GPC6: variants seen among roughly 807,000 people sequenced by gnomAD.
GPC6 encodes the protein glypican-6.
In GPC6, 14 loss-of-function variants were observed where a neutral mutation model predicts 55.2. That is an observed-to-expected ratio of 0.25 (90% CI 0.17 to 0.40). GPC6 has a LOEUF of 0.40. GPC6 is among the 10% of genes least tolerant of loss of function. The pLI is 1.00. For missense variants in GPC6, 641 were observed against 708.5 expected, an observed-to-expected ratio of 0.90 and a Z score of 1.08; for synonymous variants, 278 against 259.6, an observed-to-expected ratio of 1.07 and a Z score of -0.68.
At chr13:94,173,433 G>T (rs1379903558) in intron 4 of GPC6, among the ~76,000 whole-genome samples, 4 of 152,122 alleles carry the variant, frequency 2.6e-5, no homozygotes, top group Non-Finnish European at 5.9e-5. Context: ...ATGTTGTGGA[G>T]ATGATTCAAG....
At chr13:94,165,205 G>GTA (rs1160456651) in intron 4 of GPC6, among the ~76,000 whole-genome samples, 110 of 149,122 alleles carry the variant, frequency 7.4e-4, no homozygotes, top group African/African-American at 2.1e-3. Context: ...GTGTGTGTGT[G>GTA]TGTATATATA....
intron 1 of GPC6, among the ~76,000 whole-genome samples, chr13:93,443,182 A>T (rs1877868789): frequency 6.6e-6 from 1 of 152,190 alleles, no homozygotes; most frequent in Non-Finnish European, 1.5e-5. Context: ...ACAATGGTAA[A>T]ATATCAATTT....
chr13:93,912,970 G>C (rs1160337990), intron 3 of GPC6, among the ~76,000 whole-genome samples: 2 of 151,910 alleles, frequency 1.3e-5, no homozygotes, highest in Non-Finnish European at 2.9e-5. Context: ...TCTCTGTGTC[G>C]ATTCTTCTTC....
chr13:93,296,893 G>A (rs1258041759), intron 1 of GPC6, among the ~76,000 whole-genome samples: 1 of 152,152 alleles, frequency 6.6e-6, no homozygotes, highest in Non-Finnish European at 1.5e-5. Flanking sequence ...AAAGTTATGA[G>A]GAGGTTCAAA....
At chr13:94,276,035 A>G (rs1892191433) in intron 4 of GPC6, among the ~76,000 whole-genome samples, 1 of 152,206 alleles carries the variant, frequency 6.6e-6, no homozygotes, top group Admixed American at 6.5e-5. Context: ...AACTATCAAC[A>G]TTTTATAAGC....
In GPC6 at chr13:93,693,476, T is replaced by C. The variant is rs997291878; in HGVS notation, c.320-136678T>C. ...GTATGTATATCTGTGTGTGTGTGTG[T>C]GTGTGTGTGTGTGTGTGTGTGTGTG... On this transcript the variant is annotated intron_variant, in intron 2 of 8. Coordinates refer to ENST00000377047, the MANE Select transcript of GPC6 (RefSeq NM_005708.5). Among the ~76,000 whole-genome samples the C allele has an allele frequency of 5.3e-5, 8 of 150,986 alleles. No individual in the cohort carries two copies. In the East Asian group the frequency reaches 1.2e-3, roughly 22 times the overall value.
intron 5 of GPC6, among the ~76,000 whole-genome samples, chr13:94,301,294 G>A (rs976345213): frequency 1.6e-4 from 25 of 152,174 alleles, no homozygotes; most frequent in African/African-American, 5.1e-4. Context: ...CTACTCGGGA[G>A]GCTGAGGCAA....
intron 2 of GPC6, among the ~76,000 whole-genome samples, chr13:93,692,914 T>C (rs1882308437): frequency 6.6e-6 from 1 of 152,164 alleles, no homozygotes. Flanking sequence ...CAACTTTGCA[T>C]GGATCACTTT....
chr13:93,408,896 C>T (rs953795173), intron 1 of GPC6, among the ~76,000 whole-genome samples: 4 of 151,776 alleles, frequency 2.6e-5, no homozygotes, highest in African/African-American at 9.7e-5. Context: ...AGAAGTAAAC[C>T]AAAAATCCCA....
At chr13:93,338,738 T>C (rs1312540465) in intron 1 of GPC6, among the ~76,000 whole-genome samples, 20 of 152,232 alleles carry the variant, frequency 1.3e-4, no homozygotes, top group Admixed American at 1.3e-3. Context: ...CTGAATTTTA[T>C]TAACATGTTA....
At chr13:93,537,563 A>G (rs1882110207) in intron 1 of GPC6, among the ~76,000 whole-genome samples, 1 of 152,092 alleles carries the variant, frequency 6.6e-6, no homozygotes, top group African/African-American at 2.4e-5. Context: ...GAGCTTTTGT[A>G]TTTTTACGTA....
chr13:94,291,080 C>A (rs76686884), intron 5 of GPC6, among the ~76,000 whole-genome samples: 5,251 of 152,150 alleles, frequency 0.035, 226 homozygotes, highest in East Asian at 0.18. Flanking sequence ...TTAATCCCAG[C>A]TACTCAGGAG....
At chr13:94,161,084 G>T (rs1257201159) in intron 4 of GPC6, among the ~76,000 whole-genome samples, 1 of 152,198 alleles carries the variant, frequency 6.6e-6, no homozygotes, top group African/African-American at 2.4e-5. Flanking sequence ...GAGTTAAGAT[G>T]TTTGTTTAAG....
At chr13:93,635,895 T>C (rs945385175) in intron 2 of GPC6, among the ~76,000 whole-genome samples, 2 of 152,078 alleles carry the variant, frequency 1.3e-5, no homozygotes, top group Non-Finnish European at 2.9e-5. Context: ...GAGAAAGAGG[T>C]TGCCCTTTCT....
intron 2 of GPC6, among the ~76,000 whole-genome samples, chr13:93,751,161 A>AC (rs963157320): frequency 6.7e-4 from 9 of 13,418 alleles, no homozygotes; most frequent in Non-Finnish European, 1.3e-3. Flanking sequence ...AAAAAGAAAA[A>AC]CAAACAAACA....
intron 2 of GPC6, among the ~76,000 whole-genome samples, chr13:93,694,412 G>T (rs1434539432): frequency 6.6e-6 from 1 of 152,068 alleles, no homozygotes; most frequent in African/African-American, 2.4e-5. Flanking sequence ...ATAGCTTATT[G>T]TATGTTATTC....
intron 1 of GPC6, among the ~76,000 whole-genome samples, chr13:93,372,795 G>A (rs956912662): frequency 2.6e-5 from 4 of 152,146 alleles, no homozygotes; most frequent in African/African-American, 9.7e-5. Context: ...TGGTAAAGAA[G>A]ATTTAAACTG....
intron 6 of GPC6, among the ~76,000 whole-genome samples, chr13:94,325,819 G>T (rs1016513556): frequency 1.3e-5 from 2 of 152,118 alleles, no homozygotes; most frequent in Non-Finnish European, 1.5e-5. Flanking sequence ...GCTGACTCAC[G>T]CCAAGGCTAA....
At chr13:93,481,816 T>G (rs1347272408) in intron 1 of GPC6, among the ~76,000 whole-genome samples, 1 of 152,212 alleles carries the variant, frequency 6.6e-6, no homozygotes, top group Non-Finnish European at 1.5e-5. Flanking sequence ...CCTTGGTTAC[T>G]ACCATTTTGT....
Sources: gnomAD v4.1 joint callset for allele counts (sites outside exome capture counted in the v4.1 genomes callset) on GRCh38, gnomAD v4.1.1 for gene constraint, MANE v1.5 for transcripts, NCBI Gene and HGNC (gene_info 2026-07-23, HGNC 2026-07-21) for gene names.